NFE2L1: variants seen among roughly 807,000 people sequenced by gnomAD.
NFE2L1 encodes endoplasmic reticulum membrane sensor NFE2L1.
In NFE2L1, 18 loss-of-function variants were observed where a neutral mutation model predicts 61.6. That is an observed-to-expected ratio of 0.29 (90% CI 0.20 to 0.43). NFE2L1 has a LOEUF of 0.43. Ranked by LOEUF, NFE2L1 falls within the 20% of genes least tolerant of loss-of-function variation. The pLI is 1.00. For missense variants in NFE2L1, 827 were observed against 973.5 expected (o/e 0.85, Z 2.00); for synonymous variants, 419 against 402.7 (o/e 1.04, Z -0.48).
chr17:48,057,164 G>A, intron 4 of NFE2L1, 43 bp downstream of exon 4: 1 of 1,606,060 alleles, frequency 6.2e-7, no homozygotes, highest in African/African-American at 1.3e-5. Flanking sequence ...GAGCAGGGCA[G>A]CCTGTACCTG....
At chr17:48,048,993 G>A (rs1598275104) in intron 1 of NFE2L1, 3 of 152,698 alleles carry the variant, frequency 2.0e-5, no homozygotes, top group Middle Eastern at 6.8e-3. Flanking sequence ...GCGTGAGAAC[G>A]GGAGGGTAGC....
intron 2 of NFE2L1, 34 bp from the exon 3 acceptor site, chr17:48,056,352 T>C: frequency 6.2e-7 from 1 of 1,612,580 alleles, no homozygotes; most frequent in Non-Finnish European, 8.5e-7. Context: ...GACCTTGGGA[T>C]CTTAGAGCTA....
In NFE2L1 at chr17:48,059,693, G is replaced by T; in HGVS notation, c.*52G>T. ...CCACCAAGACCGAAACTGGAGAAGG[G>T]CTGGACCTGGACCTGGACCTGGACC... On this transcript the variant is annotated 3_prime_UTR_variant, in exon 6 of 6. Transcript: ENST00000362042. This position sits in a 1 kb window ranked among gnomAD's most constrained non-coding sequence, Gnocchi z 6.1. The T allele has an allele frequency of 6.6e-7, 1 of 1,511,822 alleles. No individual in the cohort carries two copies. 93.7% of individuals were successfully genotyped at this position (1,511,822 alleles called of 1,614,324 possible).
chr17:48,051,654 G>C, intron 2 of NFE2L1, 26 bp downstream of exon 2: 7 of 1,587,700 alleles, frequency 4.4e-6, no homozygotes, highest in Non-Finnish European at 6.0e-6. Context: ...GTGGGTGTGT[G>C]GGGCCTGGGG....
At position 48,060,260 on chromosome 17, in the gene NFE2L1, C is replaced by G; in HGVS notation, c.*619C>G. On this transcript the variant is annotated 3_prime_UTR_variant, in exon 6 of 6. Coordinates refer to ENST00000362042, the MANE Select transcript of NFE2L1 (RefSeq NM_003204.3). ...CTTTCTGCTCCTTGCATTTTGACAT[C>G]CCTGAAGGGGAGCTCTTGGATATCA... 1 of 152,632 alleles carries G rather than the reference C, an allele frequency of 6.6e-6. No individual in the cohort carries two copies. Among genetic ancestry groups the G allele is most frequent in the Non-Finnish European group, 1.5e-5 (1 of 68,148 alleles). 9.5% of individuals were successfully genotyped at this position (152,632 alleles called of 1,614,324 possible). A position where few individuals can be genotyped will look rare whatever the true frequency, so the allele number is the denominator to read the frequency against.
In NFE2L1 at chr17:48,056,248, G is replaced by A. The variant is rs1015600618; in HGVS notation, c.511-138G>A. The A allele has an allele frequency of 7.3e-6, 6 of 820,394 alleles. No individual in the cohort carries two copies. In the Admixed American group the frequency reaches 9.8e-5, roughly 13 times the overall value. 50.8% of individuals were successfully genotyped at this position (820,394 alleles called of 1,614,324 possible). On this transcript the variant is annotated intron_variant, in intron 2 of 5. Transcript: ENST00000362042. ...CACTTGCTGGTGCAGGGACCAGGGG[G>A]TAAAGGCTGGCAGGTGAAGAGCTGG... is the stretch of plus-strand genomic sequence containing the variant.
rs537160485 is a variant in NFE2L1, at chr17:48,061,283, G to A, written c.*1642G>A. 1 of 152,200 alleles carries A rather than the reference G, an allele frequency of 6.6e-6. No individual in the cohort carries two copies. Among genetic ancestry groups the A allele is most frequent in the African/African-American group, 2.4e-5 (1 of 41,434 alleles). The allele number at this position is 152,200 out of a possible 1,614,324, so 9.4% of individuals were successfully genotyped here. On this transcript the variant is annotated 3_prime_UTR_variant, in exon 6 of 6. Coordinates refer to ENST00000362042, the MANE Select transcript of NFE2L1 (RefSeq NM_003204.3). The stretch of plus-strand genomic sequence containing the variant: ...AGACAAGTGGGAGTGAAATGGGGGT[G>A]GGGGGAAGCACTGATTCCCAGTTAG...
intron 2 of NFE2L1, chr17:48,054,792 T>G: frequency 7.8e-7 from 1 of 1,287,850 alleles, no homozygotes; most frequent in Non-Finnish European, 9.8e-7. Context: ...GCTGGGCGCC[T>G]GAGTGGAACT....
intron 1 of NFE2L1, among the ~76,000 whole-genome samples, chr17:48,050,221 G>C (rs2037214081): frequency 6.6e-6 from 1 of 152,206 alleles, no homozygotes; most frequent in African/African-American, 2.4e-5. Flanking sequence ...GCTCACGCCT[G>C]TGATCCCAGC....
chr17:48,058,647 T>C lies in NFE2L1; in HGVS notation c.1325T>C (p.Leu442Ser). 6.2e-7 allele frequency: 1 copy of C among 1,614,160 alleles called. No homozygotes were observed. The highest frequency in any genetic ancestry group is 8.5e-7 in the Non-Finnish European group (1 of 1,180,018). Residue 442 changes from leucine to serine, a missense_variant, in exon 6 of 6, where the codon TTA (leucine) becomes TCA (serine). By Grantham distance (145) the Leu-to-Ser change is moderately radical (BLOSUM62 -2). This residue lies in a region of NFE2L1 where 667 missense variants were observed against 748.4 expected (regional missense o/e 0.89). Transcript: ENST00000362042. Reference sequence around the variant, plus strand: ...CTGCCTGACCCTTTGGGGGGTCTGTTAGATGAAGCTATGTTGGATGAGATC... The same window carrying C: ...CTGCCTGACCCTTTGGGGGGTCTGTCAGATGAAGCTATGTTGGATGAGATC... ...PELPDPLGGL[L>S]DEAMLDEISL...
chr17:48,051,016 T>C lies in NFE2L1; in HGVS notation c.-103T>C. 1 of 1,446,390 alleles carries C rather than the reference T, an allele frequency of 6.9e-7. No individual in the cohort carries two copies. Among genetic ancestry groups the C allele is most frequent in the Non-Finnish European group, 9.5e-7 (1 of 1,048,312 alleles). 89.6% of individuals were successfully genotyped at this position (1,446,390 alleles called of 1,614,324 possible). ...CAGGGTGGGGTACGGGGTTTGACACTGAGGAGGGTAACCTGCTGGCTGGAG... is the reference window on the plus strand; with the variant it reads ...CAGGGTGGGGTACGGGGTTTGACACCGAGGAGGGTAACCTGCTGGCTGGAG... On this transcript the variant is annotated 5_prime_UTR_variant, in exon 2 of 6. Transcript: ENST00000362042.
intron 1 of NFE2L1, chr17:48,049,203 G>C (rs918363759): frequency 1.3e-5 from 2 of 152,180 alleles, no homozygotes; most frequent in Non-Finnish European, 2.9e-5. Flanking sequence ...CAAAAGTGGA[G>C]ACCAGAAACA....
At chr17:48,048,594 C>T (rs1307852107) in intron 1 of NFE2L1, 132 bp downstream of exon 1, 1 of 152,552 alleles carries the variant, frequency 6.6e-6, no homozygotes, top group Non-Finnish European at 1.5e-5. Flanking sequence ...GAGCCCGGCC[C>T]TGGGCCTGAC....
rs1383361073 is a variant in NFE2L1 at position 48,059,858 on chromosome 17, G to A, written c.*217G>A. 6 of 621,862 alleles carry A rather than the reference G, an allele frequency of 9.6e-6. No homozygotes were observed. In the East Asian group the frequency reaches 1.7e-4, roughly 18 times the overall value. The allele number at this position is 621,862 out of a possible 1,614,324, so 38.5% of individuals were successfully genotyped here. Reference sequence around the variant, plus strand: ...TGGAAGTGGCCAGACCATTTAGACGGACAGGGTCCTCACCCTACCCCTTTC... The same window carrying A: ...TGGAAGTGGCCAGACCATTTAGACGAACAGGGTCCTCACCCTACCCCTTTC... On this transcript the variant is annotated 3_prime_UTR_variant, in exon 6 of 6. Coordinates refer to ENST00000362042, the MANE Select transcript of NFE2L1 (RefSeq NM_003204.3). This position sits in a 1 kb window ranked among gnomAD's most constrained non-coding sequence, Gnocchi z 6.1.
intron 1 of NFE2L1, 46 bp from the exon 2 acceptor site, chr17:48,050,561 A>G (rs941523804): frequency 2.0e-5 from 8 of 406,158 alleles, no homozygotes; most frequent in Admixed American, 1.6e-4. Flanking sequence ...TCATGATGTG[A>G]AAAGTATGGA....
rs372830077 is a variant in NFE2L1, at chr17:48,056,681, C to G, written c.723+83C>G. 3.7e-4 allele frequency: 561 copies of G among 1,514,376 alleles called. 7 individuals are homozygous for G. The South Asian group carries it at 6.3e-3, about 17-fold the overall frequency. The allele number at this position is 1,514,376 out of a possible 1,614,324, so 93.8% of individuals were successfully genotyped here. A position where few individuals can be genotyped will look rare whatever the true frequency, so the allele number is the denominator to read the frequency against. On this transcript the variant is annotated intron_variant, in intron 3 of 5. Transcript: ENST00000362042. ...CAGGCTGGAGTTCTTCCAGAAACTT[C>G]CTTTAGAGAAGACAGGTGGTGTGTG... is the stretch of plus-strand genomic sequence containing the variant.
Position 48,059,683 on chromosome 17 carries a change from C to T in NFE2L1, c.*42C>T. On this transcript the variant is annotated 3_prime_UTR_variant, in exon 6 of 6. Coordinates refer to ENST00000362042, the MANE Select transcript of NFE2L1 (RefSeq NM_003204.3). The surrounding 1 kb of genome is among the most constrained non-coding windows in gnomAD (Gnocchi z 6.1). ...GGTTTGAAGCCCACCAAGACCGAAA[C>T]TGGAGAAGGGCTGGACCTGGACCTG... 6.6e-7 allele frequency: 1 copy of T among 1,519,276 alleles called. No individual in the cohort carries two copies. Among genetic ancestry groups the T allele is most frequent in the South Asian group, 1.3e-5 (1 of 76,174 alleles). The allele number at this position is 1,519,276 out of a possible 1,614,324, so 94.1% of individuals were successfully genotyped here.
chr17:48,055,698 G>A (rs535544013), intron 2 of NFE2L1, among the ~76,000 whole-genome samples: 3 of 152,278 alleles, frequency 2.0e-5, no homozygotes, highest in Non-Finnish European at 2.9e-5. Context: ...GCAGCAGCTA[G>A]GATCAGCTGA....
chr17:48,049,334 T>C (rs770884698), intron 1 of NFE2L1, among the ~76,000 whole-genome samples: 1 of 152,232 alleles, frequency 6.6e-6, no homozygotes, highest in South Asian at 2.1e-4. Context: ...GACGGAATAG[T>C]CCTGCGTAGT....
Sources: allele counts gnomAD v4.1 joint callset (sites outside exome capture counted in the v4.1 genomes callset), GRCh38; gene constraint gnomAD v4.1.1; regional missense constraint gnomAD v4.1.1; non-coding constraint Gnocchi (gnomAD v3.1); transcripts MANE v1.5; gene names NCBI Gene and HGNC (gene_info 2026-07-23, HGNC 2026-07-21).